The following RAB31 variants were observed in gnomAD, a reference collection of about 807,000 sequenced individuals.
The protein encoded by RAB31 is ras-related protein Rab-31.
In RAB31, 21 loss-of-function variants were observed where a neutral mutation model predicts 25.6. That is an observed-to-expected ratio of 0.82 (90% CI 0.58 to 1.18). The LOEUF is 1.18. Among genes scored for constraint, RAB31 ranks in the 50% most tolerant of loss-of-function variants. The probability of loss-of-function intolerance (pLI) is 0.00; values close to 1 mark genes in which losing one functional copy is unlikely to be tolerated. For synonymous variants in RAB31, 87 were observed against 84.0 expected, an observed-to-expected ratio of 1.04 and a Z score of -0.20; for missense variants, 196 against 250.1, an observed-to-expected ratio of 0.78 and a Z score of 1.46.
chr18:9,734,125 AG>A, intron 1 of RAB31, among the ~76,000 whole-genome samples: 1 of 147,852 alleles, frequency 6.8e-6, no homozygotes. Flanking sequence ...GGAGGGAGGG[AG>A]GAAGGCTAAA....
chr18:9,759,737 A>G (rs1471603075), intron 1 of RAB31, among the ~76,000 whole-genome samples: 2 of 152,168 alleles, frequency 1.3e-5, no homozygotes, highest in African/African-American at 4.8e-5. Flanking sequence ...CTGTTTCCAT[A>G]CATGGTCGGG....
chr18:9,837,387 A>G (rs2068711221), intron 5 of RAB31, among the ~76,000 whole-genome samples: 1 of 152,234 alleles, frequency 6.6e-6, no homozygotes, highest in Non-Finnish European at 1.5e-5. Flanking sequence ...AAGACAAATA[A>G]TTTTTAAAAT....
At chr18:9,805,912 C>A (rs1427978216) in intron 3 of RAB31, among the ~76,000 whole-genome samples, 1 of 152,156 alleles carries the variant, frequency 6.6e-6, no homozygotes, top group Non-Finnish European at 1.5e-5. Flanking sequence ...CAGTGGCTCA[C>A]GCCTGTAATC....
At chr18:9,812,442 G>A (rs1358935652) in intron 3 of RAB31, among the ~76,000 whole-genome samples, 2 of 152,028 alleles carry the variant, frequency 1.3e-5, no homozygotes, top group African/African-American at 4.8e-5. Flanking sequence ...CACATTCCAT[G>A]TAGAGTATGT....
intron 1 of RAB31, among the ~76,000 whole-genome samples, chr18:9,734,388 C>T (rs1450554635): frequency 6.6e-6 from 1 of 152,158 alleles, no homozygotes; most frequent in Non-Finnish European, 1.5e-5. Context: ...TGTGAAGCCA[C>T]CACACCCGCT....
rs763677584 is a variant in RAB31, at chr18:9,716,934, T to TTTCTTTCTTTCTTTCTTTCTTTCTTTC, written c.39+8492_39+8493insCTTTCTTTCTTTCTTTCTTTCTTTCTT. 2.1e-3 allele frequency among the ~76,000 whole-genome samples: 259 copies of TTTCTTTCTTTCTTTCTTTCTTTCTTTC among 125,500 alleles called. 6 individuals carry two copies. The East Asian group carries it at 0.021, about 10-fold the overall frequency. The allele number at this position is 125,500 out of a possible 152,430, so 82.3% of individuals were successfully genotyped here. A position where few individuals can be genotyped will look rare whatever the true frequency, so the allele number is the denominator to read the frequency against. ...ATTTTCTTTCTTTCTTTCTTTCTTT[T>TTTCTTTCTTTCTTTCTTTCTTTCTTTC]TTTTTTGGTAGAGATGGGGTCTTGC... On this transcript the variant is annotated intron_variant, in intron 1 of 6. Transcript: ENST00000578921.
At chr18:9,742,441 G>A (rs1219224654) in intron 1 of RAB31, among the ~76,000 whole-genome samples, 1 of 152,214 alleles carries the variant, frequency 6.6e-6, no homozygotes, top group African/African-American at 2.4e-5. Flanking sequence ...GACAGGAAGG[G>A]GCCTCAGTTC....
chr18:9,818,892 A>T (rs1224884910), intron 5 of RAB31, among the ~76,000 whole-genome samples: 2 of 152,182 alleles, frequency 1.3e-5, no homozygotes, highest in Non-Finnish European at 2.9e-5. Context: ...ATGTTAATAA[A>T]TGTCTTTTCA....
At chr18:9,797,519 G>A (rs778172881) in intron 3 of RAB31, 1 of 152,220 alleles carries the variant, frequency 6.6e-6, no homozygotes, top group Non-Finnish European at 1.5e-5. Context: ...TGAGGTCACT[G>A]AGACAGAGAC....
chr18:9,819,711 CTT>C (rs2143087473), intron 5 of RAB31, among the ~76,000 whole-genome samples: 1 of 152,162 alleles, frequency 6.6e-6, no homozygotes, highest in Non-Finnish European at 1.5e-5. Flanking sequence ...TGTGAAATGT[CTT>C]TTCATTTTAA....
intron 5 of RAB31, among the ~76,000 whole-genome samples, chr18:9,819,309 CA>C (rs143744341): frequency 0.015 from 2,208 of 152,224 alleles, 61 homozygotes; most frequent in African/African-American, 0.051. Flanking sequence ...ACCCCTGCAC[CA>C]GTTGTTGAAG....
At chr18:9,770,072 G>A (rs1286438042) in intron 1 of RAB31, among the ~76,000 whole-genome samples, 1 of 152,216 alleles carries the variant, frequency 6.6e-6, no homozygotes, top group African/African-American at 2.4e-5. Flanking sequence ...TTTTTGACAT[G>A]CTGCTGGATT....
intron 5 of RAB31, among the ~76,000 whole-genome samples, chr18:9,816,696 T>C (rs1386146936): frequency 1.3e-5 from 2 of 152,194 alleles, no homozygotes; most frequent in Non-Finnish European, 2.9e-5. Context: ...GAATTAGAGA[T>C]TTGATGATAG....
intron 1 of RAB31, among the ~76,000 whole-genome samples, chr18:9,760,167 TGTTTTTG>T (rs1389213854): frequency 2.0e-5 from 3 of 147,750 alleles, no homozygotes; most frequent in Non-Finnish European, 4.5e-5. Context: ...CTTTTCTTTT[TGTTTTTG>T]TTTTTGTTTT....
intron 1 of RAB31, among the ~76,000 whole-genome samples, chr18:9,754,895 A>G (rs1209102744): frequency 1.3e-5 from 2 of 152,172 alleles, no homozygotes; most frequent in Admixed American, 6.5e-5. Context: ...GAGTGGAAGA[A>G]TAAAGGCATT....
intron 1 of RAB31, among the ~76,000 whole-genome samples, chr18:9,764,323 C>T (rs1449541695): frequency 6.6e-6 from 1 of 152,216 alleles, no homozygotes; most frequent in African/African-American, 2.4e-5. Flanking sequence ...TCCTTGCATA[C>T]TGCTGACTGC....
chr18:9,824,796 G>A (rs1159661446), intron 5 of RAB31, among the ~76,000 whole-genome samples: 1 of 152,174 alleles, frequency 6.6e-6, no homozygotes, highest in South Asian at 2.1e-4. Context: ...CTTGGTGAGA[G>A]ATTTTCCTAT....
chr18:9,731,973 A>C (rs566422824), intron 1 of RAB31, among the ~76,000 whole-genome samples: 56 of 152,312 alleles, frequency 3.7e-4, no homozygotes, highest in Non-Finnish European at 6.3e-4. Flanking sequence ...TTTAATGTGC[A>C]CACATTTGCA....
At chr18:9,722,066 G>A (rs1337435355) in intron 1 of RAB31, among the ~76,000 whole-genome samples, 1 of 152,118 alleles carries the variant, frequency 6.6e-6, no homozygotes, top group Non-Finnish European at 1.5e-5. Flanking sequence ...GTGTGACTGG[G>A]GCAGGAAAGA....
Sources: gnomAD v4.1 joint callset for allele counts (sites outside exome capture counted in the v4.1 genomes callset) on GRCh38, gnomAD v4.1.1 for gene constraint, MANE v1.5 for transcripts, NCBI Gene and HGNC (gene_info 2026-07-23, HGNC 2026-07-21) for gene names.